The following LRRC7 variants were observed in gnomAD, a reference collection of about 807,000 sequenced individuals.
LRRC7 encodes the protein leucine rich repeat containing 7.
In LRRC7, 23 loss-of-function variants were observed where a neutral mutation model predicts 175.7. That is an observed-to-expected ratio of 0.13 (90% CI 0.09 to 0.19). The LOEUF (loss-of-function observed/expected upper bound fraction) is 0.19. Among genes scored for constraint, LRRC7 ranks in the 10% least tolerant of loss-of-function variants. The pLI, the probability that LRRC7 is intolerant of heterozygous loss-of-function variation, is 1.00. For synonymous variants in LRRC7, 685 were observed against 680.9 expected (o/e 1.01, Z -0.09); for missense variants, 1,354 against 1,904.7 (o/e 0.71, Z 5.38).
At chr1:70,091,501 A>C (rs974584705) in intron 25 of LRRC7, among the ~76,000 whole-genome samples, 2 of 152,126 alleles carry the variant, frequency 1.3e-5, no homozygotes, top group African/African-American at 4.8e-5. Context: ...TCTTTTCACT[A>C]TATTTTTGGA....
chr1:69,602,200 A>G (rs1647101770), intron 1 of LRRC7, among the ~76,000 whole-genome samples: 1 of 152,204 alleles, frequency 6.6e-6, no homozygotes, highest in Admixed American at 6.5e-5. Flanking sequence ...TACATTTTCC[A>G]GAATCTTTCT....
intron 1 of LRRC7, among the ~76,000 whole-genome samples, 190 bp from the exon 2 acceptor site, chr1:69,678,191 G>T (rs1165302524): frequency 6.6e-6 from 1 of 151,996 alleles, no homozygotes; most frequent in African/African-American, 2.4e-5. Flanking sequence ...TAATTGGGAT[G>T]CTGGAAAAGT....
At chr1:69,861,332 G>A (rs971970706) in intron 7 of LRRC7, among the ~76,000 whole-genome samples, 1 of 152,042 alleles carries the variant, frequency 6.6e-6, no homozygotes, top group South Asian at 2.1e-4. Flanking sequence ...TCAGCAAATG[G>A]TATTCTTAAA....
In LRRC7 at chr1:70,023,160, A is replaced by C; in HGVS notation, c.1580A>C (p.Gln527Pro). The C allele has an allele frequency of 6.8e-7, 1 of 1,477,956 alleles. No homozygotes were observed. The highest frequency in any genetic ancestry group is 9.1e-7 in the Non-Finnish European group (1 of 1,099,660). The allele number at this position is 1,477,956 out of a possible 1,614,324, so 91.6% of individuals were successfully genotyped here. ...TGCCAAGCCCCCTGGGAAAGGGGCC[A>C]GCGTGGGATTACTCTCCAACCTGCC... The part of the protein sequence containing the change: ...LSCQAPWERG[Q>P]RGITLQPARL... Residue 527 changes from glutamine to proline, a missense_variant, in exon 17 of 27, where the codon CAG becomes CCG. By Grantham distance (76) the Gln-to-Pro change is moderately conservative. Around this residue, in one of 4 missense-constraint regions of LRRC7, gnomAD observed 1,032 missense variants for 1,227.2 expected, o/e 0.84. Coordinates refer to ENST00000651989, the MANE Select transcript of LRRC7 (RefSeq NM_001370785.2).
intron 7 of LRRC7, among the ~76,000 whole-genome samples, chr1:69,883,157 T>C (rs1686810522): frequency 6.6e-6 from 1 of 152,020 alleles, no homozygotes; most frequent in South Asian, 2.1e-4. Context: ...TCAAATGGTA[T>C]TTCTAATTCT....
In LRRC7 at chr1:69,828,905, T is replaced by G. The variant is rs146419824; in HGVS notation, c.500+3079T>G. Among the ~76,000 whole-genome samples, 422 of 152,082 alleles carry G rather than the reference T, an allele frequency of 2.8e-3. 1 individual carries two copies. Among genetic ancestry groups the G allele is most frequent in the African/African-American group, 9.1e-3 (377 of 41,546 alleles). On this transcript the variant is annotated intron_variant, in intron 5 of 26. Coordinates refer to ENST00000651989, the MANE Select transcript of LRRC7 (RefSeq NM_001370785.2). ...TGCTTGTAATATGTTTTCATCAAAC[T>G]TCTAGAGTAAATGCAATTAGAAAAG...
chr1:69,916,535 G>C (rs1447721312), intron 7 of LRRC7, among the ~76,000 whole-genome samples: 1 of 151,634 alleles, frequency 6.6e-6, no homozygotes, highest in African/African-American at 2.4e-5. Flanking sequence ...CCTCATTATA[G>C]TATTCATTAA....
At chr1:69,852,121 T>A (rs1240892973) in intron 7 of LRRC7, among the ~76,000 whole-genome samples, 3 of 152,150 alleles carry the variant, frequency 2.0e-5, no homozygotes. Context: ...CAAACAATTA[T>A]TCTTTTCTCT....
chr1:69,578,997 C>T (rs1401087772), intron 1 of LRRC7, among the ~76,000 whole-genome samples: 1 of 151,552 alleles, frequency 6.6e-6, no homozygotes, highest in African/African-American at 2.4e-5. Context: ...GTATTTTAGT[C>T]CTGGTAATAT....
intron 8 of LRRC7, among the ~76,000 whole-genome samples, chr1:69,948,886 A>G (rs973829629): frequency 1.3e-5 from 2 of 152,324 alleles, no homozygotes; most frequent in South Asian, 2.1e-4. Flanking sequence ...TAGGTAGAAC[A>G]CTGCCTCCTT....
rs577047180 is a variant in LRRC7, at chr1:70,125,791, C to CAAAAAA, written c.*3920_*3925dup. On this transcript the variant is annotated 3_prime_UTR_variant, in exon 27 of 27. Coordinates refer to ENST00000651989, the MANE Select transcript of LRRC7 (RefSeq NM_001370785.2). The stretch of plus-strand genomic sequence containing the variant: ...TGGGCGACAGAGCGAGACTCCGTCT[C>CAAAAAA]AAAAAAAAAAAAAAAAAAAAAGAGA... Among the ~76,000 whole-genome samples the CAAAAAA allele has an allele frequency of 4.6e-5, 4 of 87,230 alleles. No homozygotes were observed. Among genetic ancestry groups the CAAAAAA allele is most frequent in the Admixed American group, 1.5e-4 (1 of 6,866 alleles). 57.2% of individuals were successfully genotyped at this position (87,230 alleles called of 152,430 possible).
intron 7 of LRRC7, among the ~76,000 whole-genome samples, chr1:69,906,906 T>A (rs1354608599): frequency 6.6e-6 from 1 of 152,172 alleles, no homozygotes; most frequent in African/African-American, 2.4e-5. Context: ...GGAATGTTCT[T>A]CCATTTGTTT....
chr1:69,832,812 A>G (rs983351336), intron 5 of LRRC7, among the ~76,000 whole-genome samples: 2 of 152,164 alleles, frequency 1.3e-5, no homozygotes, highest in African/African-American at 4.8e-5. Context: ...GAAAAACTAG[A>G]AACAACTGTA....
rs1343940543 is a variant in LRRC7 at position 70,125,904 on chromosome 1, G to A, written c.*4017G>A. On this transcript the variant is annotated 3_prime_UTR_variant, in exon 27 of 27. Transcript: ENST00000651989. Reference sequence around the variant, plus strand: ...GTATCTGAATTTGTCAAAATGGTTAGATGAAAGAAACCAAAAAAACCATTT... The same window carrying A: ...GTATCTGAATTTGTCAAAATGGTTAAATGAAAGAAACCAAAAAAACCATTT... Among the ~76,000 whole-genome samples, 1 of 150,976 alleles carries A rather than the reference G, an allele frequency of 6.6e-6. No homozygotes were observed. Among genetic ancestry groups the A allele is most frequent in the Non-Finnish European group, 1.5e-5 (1 of 67,830 alleles).
At chr1:69,849,809 C>A (rs949691901) in intron 7 of LRRC7, among the ~76,000 whole-genome samples, 5 of 152,058 alleles carry the variant, frequency 3.3e-5, no homozygotes, top group African/African-American at 1.2e-4. Context: ...TAAGTTCTCA[C>A]TTTATATAGT....
chr1:69,900,066 G>T (rs990849534), intron 7 of LRRC7, among the ~76,000 whole-genome samples: 4 of 151,996 alleles, frequency 2.6e-5, no homozygotes, highest in African/African-American at 9.7e-5. Context: ...TTATTATTTT[G>T]TCTTTTTCCA....
intron 2 of LRRC7, among the ~76,000 whole-genome samples, chr1:69,743,582 A>T (rs79182931): frequency 0.019 from 2,959 of 152,152 alleles, 107 homozygotes; most frequent in African/African-American, 0.066. Flanking sequence ...AGCCACATTT[A>T]AAAATCGGAC....
intron 16 of LRRC7, 81 bp from the exon 17 acceptor site, chr1:70,023,045 G>T (rs569109434): frequency 1.4e-6 from 2 of 1,382,812 alleles, no homozygotes; most frequent in East Asian, 5.0e-5. Flanking sequence ...GAAAGAAAAA[G>T]AGAGTAGAAA....
chr1:69,720,521 C>T (rs1444024607), intron 2 of LRRC7, among the ~76,000 whole-genome samples: 4 of 151,620 alleles, frequency 2.6e-5, no homozygotes, highest in African/African-American at 7.2e-5. Flanking sequence ...TTTCCATTGT[C>T]ATTCATTTCT....
Sources: allele counts gnomAD v4.1 joint callset (sites outside exome capture counted in the v4.1 genomes callset), GRCh38; gene constraint gnomAD v4.1.1; regional missense constraint gnomAD v4.1.1; transcripts MANE v1.5; gene names NCBI Gene and HGNC (gene_info 2026-07-23, HGNC 2026-07-21).